Variants in SYNE1 observed in about 807,000 individuals in gnomAD.
The protein encoded by SYNE1 is spectrin repeat containing nuclear envelope protein 1.
SYNE1 carries 616 observed loss-of-function variants against 1,111.0 expected under a neutral mutation model. The ratio of observed to expected loss-of-function variants is 0.55; its 90% CI spans 0.52 to 0.59. SYNE1 has a LOEUF of 0.59. Among genes scored for constraint, SYNE1 ranks in the 20% least tolerant of loss-of-function variants. The pLI is 0.00. For missense variants in SYNE1, 10,006 were observed against 10,417.0 expected (o/e 0.96, Z 1.72); for synonymous variants, 3,855 against 3,825.8 (o/e 1.01, Z -0.28).
chr6:152,593,556 T>A (rs1374530171), intron 3 of SYNE1, among the ~76,000 whole-genome samples: 1 of 151,862 alleles, frequency 6.6e-6, no homozygotes. Context: ...CACTCCAGCC[T>A]GGGTGACAGA....
At position 152,331,903 on chromosome 6, in the gene SYNE1, G is replaced by A. The variant is rs764982809; in HGVS notation, c.12795-13C>T. ...CTCTGCATCAGATCTGAAAATACAT[G>A]GAAAGGTATAAGAGCAAATTAGCTG... On this transcript the variant is annotated splice_polypyrimidine_tract_variant and intron_variant, in intron 77 of 145. Coordinates refer to ENST00000367255, the MANE Select transcript of SYNE1 (RefSeq NM_182961.4). The A allele has an allele frequency of 7.5e-6, 12 of 1,607,946 alleles. No homozygotes were observed. Among genetic ancestry groups the A allele is most frequent in the African/African-American group, 4.0e-5 (3 of 74,904 alleles).
At chr6:152,252,606 A>G (rs2089658547) in intron 104 of SYNE1, among the ~76,000 whole-genome samples, 2 of 152,230 alleles carry the variant, frequency 1.3e-5, no homozygotes, top group Admixed American at 1.3e-4. Context: ...GAATGAAGGC[A>G]TACCCTTCCA....
At position 152,208,074 on chromosome 6, in the gene SYNE1, C is replaced by A. The variant is rs1216977014; in HGVS notation, c.22722G>T (p.Lys7574Asn). ...ACACTTCAACCAACCATTTACGAAG[C>A]TTTTCTGCCATCTCCCTATAGCGCT... Reference protein sequence around the residue: ...QWQRYREMAEKLRKWLVEVSY... With the variant: ...QWQRYREMAENLRKWLVEVSY... The change falls in exon 125 of 146, where the codon AAG (lysine) becomes AAT (asparagine). Residue 7574 changes from lysine to asparagine, a missense_variant. Physicochemically the swap from Lys to Asn is moderately conservative, Grantham distance 94 (BLOSUM62 0). Coordinates refer to ENST00000367255, the MANE Select transcript of SYNE1 (RefSeq NM_182961.4). 1 of 1,614,104 alleles carries A rather than the reference C, an allele frequency of 6.2e-7. No homozygotes were observed.
chr6:152,323,367 A>G lies in SYNE1; in HGVS notation c.15917+111T>C. 3 of 1,490,812 alleles carry G rather than the reference A, an allele frequency of 2.0e-6. No individual in the cohort carries two copies. In the South Asian group the frequency reaches 3.6e-5, roughly 18 times the overall value. 92.3% of individuals were successfully genotyped at this position (1,490,812 alleles called of 1,614,324 possible). On this transcript the variant is annotated intron_variant, in intron 82 of 145. Coordinates refer to ENST00000367255, the MANE Select transcript of SYNE1 (RefSeq NM_182961.4). ...GGCAGGAGAATGGCGTGAACCCGGG[A>G]GGCGGAGCTTGCAGTGAGCCGAGAT...
intron 56 of SYNE1, chr6:152,380,697 G>A: frequency 2.7e-6 from 1 of 373,694 alleles, no homozygotes; most frequent in Non-Finnish European, 5.0e-6. Context: ...CTGCCCACAG[G>A]CCATTTTTCA....
At chr6:152,628,929 T>C (rs537822739) in intron 2 of SYNE1, among the ~76,000 whole-genome samples, 1 of 152,336 alleles carries the variant, frequency 6.6e-6, no homozygotes, top group South Asian at 2.1e-4. Flanking sequence ...TCTGCTAATT[T>C]AGCCTGCTTT....
At position 152,330,059 on chromosome 6, in the gene SYNE1, C is replaced by T. The variant is rs1297328408; in HGVS notation, c.14626G>A (p.Val4876Met). ...KLLTSAIGETVTECESRMVQS... is the reference protein window; with the variant it reads ...KLLTSAIGETMTECESRMVQS... The stretch of plus-strand genomic sequence containing the variant: ...ACCATTCGGCTCTCACATTCTGTCA[C>T]CGTCTCACCAATGGCAGAAGTCAAC... Residue 4876 changes from valine to methionine, a missense_variant, in exon 78 of 146, where the codon GTG becomes ATG. This residue lies in a region of SYNE1 where 4,955 missense variants were observed against 5,017.2 expected (regional missense o/e 0.99). Transcript: ENST00000367255. 1 of 1,614,158 alleles carries T rather than the reference C, an allele frequency of 6.2e-7. No homozygotes were observed. The highest frequency in any genetic ancestry group is 8.5e-7 in the Non-Finnish European group (1 of 1,180,016).
Position 152,309,894 on chromosome 6 carries a change from G to T in SYNE1, c.17143C>A (p.Leu5715Met). Residue 5715 changes from leucine (L) to methionine (M), a missense_variant, in exon 90 of 146, where the codon CTG (leucine) becomes ATG (methionine). Leu to Met is a conservative substitution (Grantham distance 15). Coordinates refer to ENST00000367255, the MANE Select transcript of SYNE1 (RefSeq NM_182961.4). ...TGCAGCCGGCTGGCCTCTTCCTGCA[G>T]CCGCAGAGCAGCATGACAGAGAGGT... ...SLPLCHAALRLQEEASRLQHT... is the reference protein window; with the variant it reads ...SLPLCHAALRMQEEASRLQHT... 6.2e-7 allele frequency: 1 copy of T among 1,614,144 alleles called. No homozygotes were observed.
chr6:152,395,731 T>C (rs1259782104), intron 50 of SYNE1, 60 bp from the exon 51 acceptor site: 3 of 1,575,762 alleles, frequency 1.9e-6, no homozygotes, highest in East Asian at 4.5e-5. Flanking sequence ...AAATTACTTT[T>C]AATAGCTGAG....
chr6:152,401,319 T>C lies in SYNE1; in HGVS notation c.6848A>G (p.Gln2283Arg). 6.2e-7 allele frequency: 1 copy of C among 1,613,912 alleles called. No homozygotes were observed. The highest frequency in any genetic ancestry group is 1.6e-4 in the Middle Eastern group (1 of 6,062). Residue 2283 changes from glutamine to arginine, a missense_variant, in exon 47 of 146, where the codon CAG becomes CGG. Around this residue, in one of 7 missense-constraint regions of SYNE1, gnomAD observed 4,955 missense variants for 5,017.2 expected, o/e 0.99. Coordinates refer to ENST00000367255, the MANE Select transcript of SYNE1 (RefSeq NM_182961.4). ...DLQFIEADLMQKLEHAKEITE... is the reference protein window; with the variant it reads ...DLQFIEADLMRKLEHAKEITE... ...TATTTCTTTGGCATGCTCCAGTTTC[T>C]GCATTAAGTCTGCTTCTATAAACTA...
intron 3 of SYNE1, among the ~76,000 whole-genome samples, chr6:152,576,588 A>G (rs1190083498): frequency 6.6e-6 from 1 of 152,168 alleles, no homozygotes; most frequent in African/African-American, 2.4e-5. Flanking sequence ...AGACACAGGT[A>G]TTTTCCAAGT....
At position 152,206,213 on chromosome 6, in the gene SYNE1, G is replaced by T; in HGVS notation, c.22974C>A (p.Ser7658Arg). 1 of 1,613,732 alleles carries T rather than the reference G, an allele frequency of 6.2e-7. No individual in the cohort carries two copies. The highest frequency in any genetic ancestry group is 8.5e-7 in the Non-Finnish European group (1 of 1,180,018). ...TTTTCTTCTGTTCTTCCAGCCGCAT[G>T]CTGGCTGATTTCCATTTCTCTTGGA... is the stretch of plus-strand genomic sequence containing the variant. The part of the protein sequence containing the change: ...AEIQEKWKSA[S>R]MRLEEQKKKL... The change falls in exon 126 of 146, where the codon AGC (serine) becomes AGA (arginine). Residue 7658 changes from serine to arginine, a missense_variant. Coordinates refer to ENST00000367255, the MANE Select transcript of SYNE1 (RefSeq NM_182961.4).
chr6:152,522,211 T>A (rs1201335261), intron 5 of SYNE1, among the ~76,000 whole-genome samples: 1 of 152,072 alleles, frequency 6.6e-6, no homozygotes, highest in Non-Finnish European at 1.5e-5. Context: ...ACCCCTCTCT[T>A]ACCCTCATCC....
chr6:152,514,398 T>G (rs954687504), intron 6 of SYNE1, among the ~76,000 whole-genome samples: 4 of 152,188 alleles, frequency 2.6e-5, no homozygotes, highest in African/African-American at 4.8e-5. Context: ...AAGCTCTGCA[T>G]GTTCTCACTC....
chr6:152,164,125 C>T (rs2063124393), intron 131 of SYNE1, 38 bp downstream of exon 131: 1 of 1,613,166 alleles, frequency 6.2e-7, no homozygotes, highest in African/African-American at 1.3e-5. Flanking sequence ...GACAGATATT[C>T]CATGGCTTAT....
intron 82 of SYNE1, 123 bp downstream of exon 82, chr6:152,323,355 C>G (rs375509368): frequency 7.0e-7 from 1 of 1,419,146 alleles, no homozygotes; most frequent in East Asian, 2.5e-5. Flanking sequence ...AGGAGAATGG[C>G]GTGAACCCGG....
Position 152,359,411 on chromosome 6 carries a change from G to C in SYNE1, c.10347C>G (p.Ile3449Met), listed in dbSNP as rs201204269. ...CTGTCATGCCAGCCCCTTTGACTTC[G>C]ATGGTCTCCAGCAAGCTGCTGTAAC... ...VLSYSSLLET[I>M]EVKGAGMTEH... The change falls in exon 65 of 146, where the codon ATC becomes ATG. Residue 3449 changes from isoleucine (I) to methionine (M), a missense_variant. Physicochemically the swap from Ile to Met is conservative, Grantham distance 10. Transcript: ENST00000367255. 3.1e-6 allele frequency: 5 copies of C among 1,614,006 alleles called. No individual in the cohort carries two copies. Among genetic ancestry groups the C allele is most frequent in the Non-Finnish European group, 4.2e-6 (5 of 1,180,038 alleles).
intron 2 of SYNE1, among the ~76,000 whole-genome samples, chr6:152,631,304 T>A (rs1161239307): frequency 2.0e-5 from 3 of 152,090 alleles, no homozygotes; most frequent in African/African-American, 7.2e-5. Flanking sequence ...GGCCTCAGCA[T>A]GAGAAACAGC....
chr6:152,602,045 T>A (rs570342018), intron 3 of SYNE1, among the ~76,000 whole-genome samples: 17 of 152,078 alleles, frequency 1.1e-4, no homozygotes, highest in Non-Finnish European at 2.1e-4. Flanking sequence ...ATAAGTTACC[T>A]AATGCATCTT....
Sources: gnomAD v4.1 joint callset for allele counts (sites outside exome capture counted in the v4.1 genomes callset) on GRCh38, gnomAD v4.1.1 for gene constraint, gnomAD v4.1.1 regional missense constraint, MANE v1.5 for transcripts, NCBI Gene and HGNC (gene_info 2026-07-23, HGNC 2026-07-21) for gene names.